Variants in DENND4C observed in about 807,000 individuals in gnomAD.
DENND4C encodes the protein DENN domain-containing protein 4C.
A neutral mutation model predicts 203.0 loss-of-function variants in DENND4C; 108 were observed. That is an observed-to-expected ratio of 0.53 (90% CI 0.46 to 0.62). The LOEUF is 0.62. Among genes scored for constraint, DENND4C ranks in the 20% least tolerant of loss-of-function variants. The probability of loss-of-function intolerance (pLI) is 0.00; values close to 1 mark genes in which losing one functional copy is unlikely to be tolerated. For missense variants in DENND4C, 2,481 were observed against 2,301.2 expected, an observed-to-expected ratio of 1.08 and a Z score of -1.60; for synonymous variants, 871 against 792.4, an observed-to-expected ratio of 1.10 and a Z score of -1.67.
At chr9:19,279,012 C>G (rs937029369) in intron 2 of DENND4C, among the ~76,000 whole-genome samples, 1 of 152,186 alleles carries the variant, frequency 6.6e-6, no homozygotes, top group African/African-American at 2.4e-5. Context: ...TCCAGACCTA[C>G]TGAATCACAA....
chr9:19,346,976 C>G lies in DENND4C; in HGVS notation c.4207C>G (p.Leu1403Val). The change falls in exon 23 of 33, where the codon CTC (leucine) becomes GTC (valine). Residue 1403 changes from leucine (L) to valine (V), a missense_variant. By Grantham distance (32) the Leu-to-Val change is conservative. Transcript: ENST00000434457. ...GTCAGGGCTAAAGCTGGATAATATA[C>G]TCTCAGGGCCCAAGATAGATGTCCT... ...SLSGLKLDNI[L>V]SGPKIDVLKS... 2 of 1,614,188 alleles carry G rather than the reference C, an allele frequency of 1.2e-6. No individual in the cohort carries two copies. The highest frequency in any genetic ancestry group is 1.7e-6 in the Non-Finnish European group (2 of 1,180,040).
intron 1 of DENND4C, among the ~76,000 whole-genome samples, chr9:19,238,301 C>G (rs907228607): frequency 6.6e-6 from 1 of 151,598 alleles, no homozygotes; most frequent in South Asian, 2.1e-4. Flanking sequence ...AGGCTGGTCT[C>G]GAACTCCTGA....
chr9:19,271,198 ATTC>A (rs1305873493), intron 1 of DENND4C, among the ~76,000 whole-genome samples: 2 of 137,976 alleles, frequency 1.4e-5, no homozygotes, highest in Non-Finnish European at 1.6e-5. Context: ...ATTAATATGG[ATTC>A]TTTTTTTTTT....
At chr9:19,288,709 G>T in intron 4 of DENND4C, 44 bp downstream of exon 4, 1 of 1,071,826 alleles carries the variant, frequency 9.3e-7, no homozygotes, top group Non-Finnish European at 1.2e-6. Context: ...ATAGTTATTG[G>T]TGCATATTAA....
intron 17 of DENND4C, among the ~76,000 whole-genome samples, chr9:19,333,683 C>T (rs1299518568): frequency 6.6e-6 from 1 of 152,166 alleles, no homozygotes; most frequent in Non-Finnish European, 1.5e-5. Flanking sequence ...CATTTTCATG[C>T]ATTTTCTCTC....
chr9:19,362,611 G>A (rs1313351850), intron 30 of DENND4C, among the ~76,000 whole-genome samples: 1 of 151,778 alleles, frequency 6.6e-6, no homozygotes, highest in Non-Finnish European at 1.5e-5. Context: ...TTTTTTAATT[G>A]TGACGGGTCT....
intron 1 of DENND4C, among the ~76,000 whole-genome samples, chr9:19,241,541 TTG>T: frequency 6.6e-6 from 1 of 151,798 alleles, no homozygotes; most frequent in East Asian, 1.9e-4. Context: ...TTAAACTTTT[TTG>T]TCGGAAATGA....
Position 19,322,019 on chromosome 9 carries a change from T to C in DENND4C, c.1808-2343T>C, listed in dbSNP as rs184466422. Among the ~76,000 whole-genome samples the C allele has an allele frequency of 1.8e-4, 28 of 152,156 alleles. No individual in the cohort carries two copies. In the East Asian group the frequency reaches 3.1e-3, roughly 17 times the overall value. On this transcript the variant is annotated intron_variant, in intron 12 of 32. Coordinates refer to ENST00000434457, the MANE Select transcript of DENND4C (RefSeq NM_001330640.2). ...AAGAGTCATAAATTATGTAGTGAGATAGTGTACATAGTTTCTATTTAATGA... is the reference window on the plus strand; with the variant it reads ...AAGAGTCATAAATTATGTAGTGAGACAGTGTACATAGTTTCTATTTAATGA...
chr9:19,255,416 A>T lies in DENND4C; in HGVS notation c.-17-20742A>T, dbSNP rs543642794. Among the ~76,000 whole-genome samples, 169 of 150,430 alleles carry T rather than the reference A, an allele frequency of 1.1e-3. 3 individuals are homozygous for T. The Middle Eastern group carries it at 0.024, about 21-fold the overall frequency. On this transcript the variant is annotated intron_variant, in intron 1 of 32. Transcript: ENST00000434457. ...TGAGATCCTGCCTCCAAAAAAAAAA[A>T]TTTTTTTTTAATGTAAAAACCATCA...
At chr9:19,339,570 T>C (rs1254444750) in intron 20 of DENND4C, among the ~76,000 whole-genome samples, 1 of 152,220 alleles carries the variant, frequency 6.6e-6, no homozygotes, top group Admixed American at 6.5e-5. Flanking sequence ...TCATCGGTGA[T>C]ATTAATTTGG....
chr9:19,272,361 A>C (rs1831882492), intron 1 of DENND4C, among the ~76,000 whole-genome samples: 1 of 151,702 alleles, frequency 6.6e-6, no homozygotes, highest in Non-Finnish European at 1.5e-5. Flanking sequence ...CAGAGGTTGC[A>C]GTGAGCCGAG....
At chr9:19,267,641 A>C (rs1016704599) in intron 1 of DENND4C, among the ~76,000 whole-genome samples, 1 of 151,818 alleles carries the variant, frequency 6.6e-6, no homozygotes, top group Non-Finnish European at 1.5e-5. Context: ...AGCTCAGGGG[A>C]TCTTCCCACC....
chr9:19,333,025 T>C (rs1310986019), intron 17 of DENND4C, among the ~76,000 whole-genome samples: 1 of 150,346 alleles, frequency 6.7e-6, no homozygotes, highest in Non-Finnish European at 1.5e-5. Context: ...ATATTTTTTA[T>C]TTATATTTAA....
chr9:19,332,208 T>C (rs774409398), intron 17 of DENND4C, 24 bp downstream of exon 17: 1 of 1,601,630 alleles, frequency 6.2e-7, no homozygotes, highest in South Asian at 1.1e-5. Context: ...ATTGACATTG[T>C]TTCTAAGGTA....
chr9:19,290,009 A>C (rs1478287886), intron 4 of DENND4C, among the ~76,000 whole-genome samples: 1 of 152,182 alleles, frequency 6.6e-6, no homozygotes, highest in Admixed American at 6.5e-5. Flanking sequence ...TTTAGAATAG[A>C]GAGTTTTAGA....
At chr9:19,365,518 A>G (rs1422149277) in intron 30 of DENND4C, among the ~76,000 whole-genome samples, 1 of 152,106 alleles carries the variant, frequency 6.6e-6, no homozygotes, top group African/African-American at 2.4e-5. Context: ...TTACCATTCT[A>G]CCAGAGGTTC....
intron 17 of DENND4C, among the ~76,000 whole-genome samples, chr9:19,333,900 C>G (rs994539368): frequency 1.3e-5 from 2 of 152,170 alleles, no homozygotes; most frequent in African/African-American, 4.8e-5. Flanking sequence ...GTATATTTAA[C>G]TGTCTTCTCA....
chr9:19,295,233 G>A (rs1396917252), intron 5 of DENND4C, among the ~76,000 whole-genome samples: 3 of 151,992 alleles, frequency 2.0e-5, no homozygotes, highest in East Asian at 1.9e-4. Context: ...TAGGCCGGGC[G>A]CAGTGGCGCA....
intron 12 of DENND4C, among the ~76,000 whole-genome samples, chr9:19,317,181 CTTTTTTTT>C (rs11331413): frequency 6.5e-4 from 83 of 126,964 alleles, no homozygotes; most frequent in Middle Eastern, 4.3e-3. Flanking sequence ...GATTTGTACA[CTTTTTTTT>C]TTTTTTTTTT....
Sources: allele counts gnomAD v4.1 joint callset (sites outside exome capture counted in the v4.1 genomes callset), GRCh38; gene constraint gnomAD v4.1.1; transcripts MANE v1.5; gene names NCBI Gene and HGNC (gene_info 2026-07-23, HGNC 2026-07-21).